FGF14: variants seen among roughly 807,000 people sequenced by gnomAD.
FGF14 encodes fibroblast growth factor homologous factor 4.
A neutral mutation model predicts 25.5 loss-of-function variants in FGF14; 5 were observed. The ratio of observed to expected loss-of-function variants is 0.20; its 90% CI spans 0.10 to 0.41. FGF14 has a LOEUF of 0.41. Among genes scored for constraint, FGF14 ranks in the 10% least tolerant of loss-of-function variants. FGF14 has a pLI of 1.00. For missense variants in FGF14, 222 were observed against 320.1 expected (o/e 0.69, Z 2.34); for synonymous variants, 138 against 118.3 (o/e 1.17, Z -1.08).
intron 1 of FGF14, among the ~76,000 whole-genome samples, chr13:102,016,166 G>A (rs150981542): frequency 6.6e-6 from 1 of 152,018 alleles, no homozygotes; most frequent in African/African-American, 2.4e-5. Flanking sequence ...GACCTTAGGA[G>A]GTAGTTTAAC....
At chr13:102,351,080 C>T (rs1384046276) in intron 1 of FGF14, among the ~76,000 whole-genome samples, 1 of 152,148 alleles carries the variant, frequency 6.6e-6, no homozygotes, top group Non-Finnish European at 1.5e-5. Context: ...TCTCAGGCCT[C>T]GTGGAAATCT....
At chr13:102,285,959 T>C (rs1241741896) in intron 1 of FGF14, among the ~76,000 whole-genome samples, 1 of 152,162 alleles carries the variant, frequency 6.6e-6, no homozygotes, top group East Asian at 1.9e-4. Context: ...GTACCCCTCA[T>C]GGAACAGGAT....
intron 1 of FGF14, among the ~76,000 whole-genome samples, chr13:102,166,278 ATATTT>A (rs2048005930): frequency 6.6e-6 from 1 of 151,944 alleles, no homozygotes; most frequent in African/African-American, 2.4e-5. Flanking sequence ...ATTTTATTTT[ATATTT>A]AGTTTTATTA....
rs148858742 is a variant in FGF14, at chr13:102,265,082, T to A, written c.208+136389A>T. On this transcript the variant is annotated intron_variant, in intron 1 of 4. Transcript: ENST00000376131. The stretch of plus-strand genomic sequence containing the variant: ...TTGAAAACATTAAAAGAAATTCAAT[T>A]CATAACCAAAAAACAATTTAAAATG... Among the ~76,000 whole-genome samples, 404 of 152,230 alleles carry A rather than the reference T, an allele frequency of 2.7e-3. 2 individuals are homozygous for A. The highest frequency in any genetic ancestry group is 0.017 in the Middle Eastern group (5 of 294).
At chr13:102,401,908 A>G (rs2058710080), upstream of FGF14, 2 of 583,738 alleles carry the variant, frequency 3.4e-6, no homozygotes. Context: ...CAGGGAGAAC[A>G]GTAATGCACA....
intron 1 of FGF14, among the ~76,000 whole-genome samples, chr13:102,211,982 C>T (rs2050180886): frequency 6.6e-6 from 1 of 152,158 alleles, no homozygotes; most frequent in South Asian, 2.1e-4. Context: ...CCTGAGTTTG[C>T]TTAAATTTCC....
intron 1 of FGF14, among the ~76,000 whole-genome samples, chr13:102,321,832 T>C (rs1274064992): frequency 1.3e-5 from 2 of 152,228 alleles, no homozygotes; most frequent in Non-Finnish European, 2.9e-5. Context: ...CCTGATTAAT[T>C]GGTTCAGATT....
intron 1 of FGF14, among the ~76,000 whole-genome samples, chr13:102,318,273 T>C (rs1005849403): frequency 2.6e-5 from 4 of 152,098 alleles, no homozygotes; most frequent in Non-Finnish European, 5.9e-5. Context: ...CTGGGTGCCA[T>C]AGGAGCTGCT....
chr13:102,161,633 A>G (rs868200275), intron 1 of FGF14, among the ~76,000 whole-genome samples: 576 of 8,206 alleles, frequency 0.07, 18 homozygotes, highest in Non-Finnish European at 0.095. Context: ...AAGAAGAAGA[A>G]GAAGAAGAAG....
intron 1 of FGF14, among the ~76,000 whole-genome samples, chr13:102,162,914 A>G (rs918668757): frequency 3.9e-5 from 6 of 152,108 alleles, no homozygotes; most frequent in African/African-American, 1.4e-4. Context: ...CGTCCCCCTC[A>G]TTTGTATGTA....
intron 1 of FGF14, among the ~76,000 whole-genome samples, chr13:102,249,411 G>T (rs1179400175): frequency 1.3e-5 from 2 of 152,174 alleles, no homozygotes; most frequent in East Asian, 3.9e-4. Context: ...AGAAAGAAAA[G>T]GTTGGCCTTG....
At chr13:102,320,263 C>CAA (rs11312864) in intron 1 of FGF14, among the ~76,000 whole-genome samples, 2,552 of 133,818 alleles carry the variant, frequency 0.019, 84 homozygotes, top group African/African-American at 0.062. Context: ...TTGAAAACTC[C>CAA]AAAAAAAAAA....
At chr13:102,384,620 C>T (rs2058259843) in intron 1 of FGF14, among the ~76,000 whole-genome samples, 1 of 152,068 alleles carries the variant, frequency 6.6e-6, no homozygotes, top group South Asian at 2.1e-4. Context: ...AGCATCAGAG[C>T]CACAAAAATG....
intron 3 of FGF14, among the ~76,000 whole-genome samples, chr13:101,768,339 G>C (rs1317882241): frequency 6.6e-6 from 1 of 152,070 alleles, no homozygotes; most frequent in Non-Finnish European, 1.5e-5. Context: ...TGAATGAAGA[G>C]ATACTCCATC....
chr13:102,221,813 C>T (rs1375864871), intron 1 of FGF14, among the ~76,000 whole-genome samples: 1 of 152,130 alleles, frequency 6.6e-6, no homozygotes, highest in Admixed American at 6.6e-5. Context: ...GCTTAATTTC[C>T]TAACTAGACT....
chr13:102,114,027 C>T (rs572380745), intron 1 of FGF14, among the ~76,000 whole-genome samples: 1 of 152,282 alleles, frequency 6.6e-6, no homozygotes, highest in Non-Finnish European at 1.5e-5. Context: ...CTTCAACCAT[C>T]AAGAGGCAAA....
At chr13:101,873,042 CAT>C (rs2045199425) in intron 2 of FGF14, among the ~76,000 whole-genome samples, 3 of 149,468 alleles carry the variant, frequency 2.0e-5, no homozygotes, top group African/African-American at 2.5e-5. Context: ...AAAAAAAAAA[CAT>C]ATATTTACAG....
chr13:102,251,821 C>A (rs1220410487), intron 1 of FGF14, among the ~76,000 whole-genome samples: 1 of 152,124 alleles, frequency 6.6e-6, no homozygotes, highest in African/African-American at 2.4e-5. Flanking sequence ...CTCCTTCCAC[C>A]AAGCCTCATC....
chr13:102,060,616 G>A (rs1321672294), intron 1 of FGF14, among the ~76,000 whole-genome samples: 1 of 152,118 alleles, frequency 6.6e-6, no homozygotes, highest in Non-Finnish European at 1.5e-5. Flanking sequence ...TTTTTTAACT[G>A]GTAAATGTTT....
Sources: gnomAD v4.1 joint callset for allele counts (sites outside exome capture counted in the v4.1 genomes callset) on GRCh38, gnomAD v4.1.1 for gene constraint, MANE v1.5 for transcripts, NCBI Gene and HGNC (gene_info 2026-07-23, HGNC 2026-07-21) for gene names.